EPB41L4A: variants seen among roughly 807,000 people sequenced by gnomAD.
The protein encoded by EPB41L4A is erythrocyte membrane protein band 4.1 like 4A.
In EPB41L4A, 100 loss-of-function variants were observed where a neutral mutation model predicts 108.6. The ratio of observed to expected loss-of-function variants is 0.92; its 90% CI spans 0.78 to 1.09. The LOEUF (loss-of-function observed/expected upper bound fraction) is 1.09. Ranked by LOEUF, EPB41L4A falls within the 50% of genes least tolerant of loss-of-function variation. EPB41L4A has a pLI of 0.00. For synonymous variants in EPB41L4A, 319 were observed against 289.0 expected (o/e 1.10, Z -1.05); for missense variants, 1,030 against 842.7 (o/e 1.22, Z -2.75).
At chr5:112,268,122 C>T (rs1751992729) in intron 4 of EPB41L4A, among the ~76,000 whole-genome samples, 1 of 152,242 alleles carries the variant, frequency 6.6e-6, no homozygotes, top group Non-Finnish European at 1.5e-5. Context: ...TGGCTCATGC[C>T]TGTAATCCCA....
intron 1 of EPB41L4A, among the ~76,000 whole-genome samples, chr5:112,409,116 A>G (rs1580853952): frequency 6.6e-6 from 1 of 151,874 alleles, no homozygotes; most frequent in East Asian, 1.9e-4. Context: ...TAAATAAAAT[A>G]TAGTACATCC....
intron 4 of EPB41L4A, among the ~76,000 whole-genome samples, chr5:112,269,418 T>C (rs759059758): frequency 6.6e-6 from 1 of 152,216 alleles, no homozygotes; most frequent in Non-Finnish European, 1.5e-5. Context: ...TCAGGGCCTA[T>C]TTTAAAGTAA....
intron 12 of EPB41L4A, among the ~76,000 whole-genome samples, chr5:112,214,559 C>G (rs566847221): frequency 7.2e-5 from 11 of 152,042 alleles, no homozygotes; most frequent in African/African-American, 2.7e-4. Context: ...GTCAGGAGAT[C>G]GAGACCATCC....
intron 17 of EPB41L4A, among the ~76,000 whole-genome samples, chr5:112,192,601 T>C (rs1761759474): frequency 6.6e-6 from 1 of 152,150 alleles, no homozygotes; most frequent in Non-Finnish European, 1.5e-5. Context: ...AGAAAGCCAA[T>C]CTAATCTGTC....
chr5:112,149,788 C>A (rs1759397399), intron 12 of EPB41L4A, among the ~76,000 whole-genome samples: 2 of 152,040 alleles, frequency 1.3e-5, no homozygotes, highest in Admixed American at 1.3e-4. Context: ...CCTGAGAGGC[C>A]ACAAATAAAA....
At chr5:112,200,618 A>G (rs1469406693) in intron 15 of EPB41L4A, among the ~76,000 whole-genome samples, 1 of 152,228 alleles carries the variant, frequency 6.6e-6, no homozygotes, top group Non-Finnish European at 1.5e-5. Flanking sequence ...TTTTTAATGT[A>G]AAATTGAAAG....
chr5:112,294,336 A>G (rs554801375), intron 2 of EPB41L4A, among the ~76,000 whole-genome samples: 1 of 152,314 alleles, frequency 6.6e-6, no homozygotes, highest in East Asian at 1.9e-4. Context: ...CCTCCCAGTG[A>G]GCGGCCCACA....
chr5:112,408,418 G>A (rs1476881685), intron 1 of EPB41L4A, among the ~76,000 whole-genome samples: 1 of 152,030 alleles, frequency 6.6e-6, no homozygotes, highest in African/African-American at 2.4e-5. Context: ...GTATAAAGAT[G>A]ACCCAAATGG....
chr5:112,172,784 G>T (rs1425199359), intron 18 of EPB41L4A, among the ~76,000 whole-genome samples: 1 of 152,166 alleles, frequency 6.6e-6, no homozygotes, highest in East Asian at 1.9e-4. Context: ...TAATATCCAG[G>T]TTAGGAAGCT....
chr5:112,413,439 A>G (rs1184429966), intron 1 of EPB41L4A, among the ~76,000 whole-genome samples: 1 of 152,220 alleles, frequency 6.6e-6, no homozygotes, highest in Non-Finnish European at 1.5e-5. Context: ...TTTTCAATAC[A>G]GCCTATTCCA....
At position 112,297,249 on chromosome 5, in the gene EPB41L4A, C is replaced by T. The variant is rs181372889; in HGVS notation, c.204+10137G>A. 1.6e-4 allele frequency among the ~76,000 whole-genome samples: 24 copies of T among 152,248 alleles called. No homozygotes were observed. In the East Asian group the frequency reaches 2.7e-3, roughly 17 times the overall value. ...CATAGTGGCTGTACTAGTTTACATT[C>T]CCACCAGCAGTGCAGAAGTGTTCCC... On this transcript the variant is annotated intron_variant, in intron 2 of 22. Coordinates refer to ENST00000261486, the MANE Select transcript of EPB41L4A (RefSeq NM_022140.5).
intron 17 of EPB41L4A, among the ~76,000 whole-genome samples, chr5:112,184,757 G>A (rs1156748923): frequency 6.6e-6 from 1 of 152,164 alleles, no homozygotes. Flanking sequence ...GAATGAAAAT[G>A]AGGAAAAGAG....
At chr5:112,416,164 G>A (rs528031488) in intron 1 of EPB41L4A, among the ~76,000 whole-genome samples, 20 of 152,012 alleles carry the variant, frequency 1.3e-4, no homozygotes, top group African/African-American at 4.3e-4. Context: ...CTAAGTTGAA[G>A]AAAAATCACT....
rs1757016826 is a variant in EPB41L4A at position 112,337,750 on chromosome 5, G to A, written c.100-30260C>T. Among the ~76,000 whole-genome samples the A allele has an allele frequency of 2.6e-5, 4 of 152,240 alleles. No homozygotes were observed. In the South Asian group the frequency reaches 8.3e-4, roughly 32 times the overall value. The stretch of plus-strand genomic sequence containing the variant: ...ACAAAAGCCCTATCTGACCCATATT[G>A]TAAAAAAAGTACTGGGGAAAAGGTG... On this transcript the variant is annotated intron_variant, in intron 1 of 22. Coordinates refer to ENST00000261486, the MANE Select transcript of EPB41L4A (RefSeq NM_022140.5).
rs573437328 is a variant in EPB41L4A, at chr5:112,215,917, G to A, written c.1088-5935C>T. Among the ~76,000 whole-genome samples the A allele has an allele frequency of 3.3e-5, 5 of 152,268 alleles. 1 individual carries two copies. Among genetic ancestry groups the A allele is most frequent in the East Asian group, 1.9e-4 (1 of 5,186 alleles). On this transcript the variant is annotated intron_variant, in intron 12 of 22. Coordinates refer to ENST00000261486, the MANE Select transcript of EPB41L4A (RefSeq NM_022140.5). ...GGCCTGTGATATTTGTTTCTGGGCT[G>A]TTAGACACCACAGCTTAATATGTGC...
intron 1 of EPB41L4A, among the ~76,000 whole-genome samples, chr5:112,389,666 G>A (rs1247115490): frequency 6.6e-6 from 1 of 151,872 alleles, no homozygotes; most frequent in East Asian, 1.9e-4. Flanking sequence ...TTTTTTTCCC[G>A]TCTATAAAGG....
At chr5:112,322,606 G>A (rs2150629505) in intron 1 of EPB41L4A, among the ~76,000 whole-genome samples, 1 of 152,174 alleles carries the variant, frequency 6.6e-6, no homozygotes, top group South Asian at 2.1e-4. Flanking sequence ...AGGTCACTGT[G>A]CCGGTGAGCC....
At chr5:112,342,239 G>A (rs866949086) in intron 1 of EPB41L4A, among the ~76,000 whole-genome samples, 16 of 152,206 alleles carry the variant, frequency 1.1e-4, no homozygotes, top group African/African-American at 3.4e-4. Flanking sequence ...ATGACTGGAC[G>A]TGATAACATG....
intron 1 of EPB41L4A, among the ~76,000 whole-genome samples, chr5:112,395,516 C>A (rs1006085125): frequency 6.6e-6 from 1 of 152,152 alleles, no homozygotes; most frequent in African/African-American, 2.4e-5. Context: ...CACTGGTCAT[C>A]GGAGAAATGC....
Sources: gnomAD v4.1 joint callset for allele counts (sites outside exome capture counted in the v4.1 genomes callset) on GRCh38, gnomAD v4.1.1 for gene constraint, MANE v1.5 for transcripts, NCBI Gene and HGNC (gene_info 2026-07-23, HGNC 2026-07-21) for gene names.